Variants in SNRNP40 observed in about 807,000 individuals in gnomAD.
SNRNP40 encodes small nuclear ribonucleoprotein U5 subunit 40.
In SNRNP40, 21 loss-of-function variants were observed where a neutral mutation model predicts 45.8. That is an observed-to-expected ratio of 0.46 (90% CI 0.32 to 0.66). SNRNP40 has a LOEUF of 0.66. Ranked by LOEUF, SNRNP40 falls within the 30% of genes least tolerant of loss-of-function variation. SNRNP40 has a pLI of 0.03. For missense variants in SNRNP40, 344 were observed against 439.1 expected (o/e 0.78, Z 1.94); for synonymous variants, 142 against 163.8 (o/e 0.87, Z 1.01).
chr1:31,278,481 TA>T (rs1645991644), intron 5 of SNRNP40, among the ~76,000 whole-genome samples: 1 of 152,232 alleles, frequency 6.6e-6, no homozygotes, highest in Non-Finnish European at 1.5e-5. Flanking sequence ...TCTTGAAAAG[TA>T]TAAAAGTTAT....
At chr1:31,293,395 A>C in intron 1 of SNRNP40, 47 bp from the exon 2 acceptor site, 1 of 1,539,936 alleles carries the variant, frequency 6.5e-7, no homozygotes, top group Non-Finnish European at 8.7e-7. Flanking sequence ...CAGACAAAGG[A>C]GGCTACAAAA....
chr1:31,271,971 A>G (rs1645942189), intron 5 of SNRNP40, among the ~76,000 whole-genome samples: 1 of 152,236 alleles, frequency 6.6e-6, no homozygotes. Context: ...TCAGGCTACC[A>G]CGTTTGACTA....
chr1:31,285,651 C>T (rs1646052528), intron 4 of SNRNP40, among the ~76,000 whole-genome samples: 2 of 152,136 alleles, frequency 1.3e-5, no homozygotes. Context: ...ATCCTCAAAT[C>T]CCACTCAAGT....
intron 5 of SNRNP40, among the ~76,000 whole-genome samples, chr1:31,273,465 C>G (rs1184427053): frequency 6.6e-6 from 1 of 151,928 alleles, no homozygotes; most frequent in Non-Finnish European, 1.5e-5. Flanking sequence ...ATGGTGAAAC[C>G]CCGTCTCTAC....
At chr1:31,294,511 G>A (rs1459007292) in intron 1 of SNRNP40, among the ~76,000 whole-genome samples, 2 of 151,574 alleles carry the variant, frequency 1.3e-5, no homozygotes, top group Non-Finnish European at 2.9e-5. Context: ...CCAGGCTGGA[G>A]TACAATGGCG....
intron 4 of SNRNP40, 161 bp from the exon 5 acceptor site, chr1:31,281,657 G>T: frequency 1.8e-6 from 1 of 549,192 alleles, no homozygotes; most frequent in Non-Finnish European, 2.9e-6. Context: ...CACATGGTAA[G>T]CAGTGTGCTC....
intron 4 of SNRNP40, among the ~76,000 whole-genome samples, chr1:31,288,752 T>G (rs1646080249): frequency 6.6e-6 from 1 of 152,166 alleles, no homozygotes; most frequent in African/African-American, 2.4e-5. Flanking sequence ...ACAGTTCTTT[T>G]TTTTGAGACA....
At chr1:31,263,913 TAAA>T (rs11419603) in intron 8 of SNRNP40, among the ~76,000 whole-genome samples, 3 of 107,004 alleles carry the variant, frequency 2.8e-5, no homozygotes, top group Non-Finnish European at 3.6e-5. Flanking sequence ...ATGTACTGGC[TAAA>T]AAAAAAAAAA....
intron 5 of SNRNP40, among the ~76,000 whole-genome samples, chr1:31,277,131 T>C (rs1341403013): frequency 6.6e-6 from 1 of 152,058 alleles, no homozygotes; most frequent in Non-Finnish European, 1.5e-5. Flanking sequence ...CAGAAGGTCA[T>C]GGCAGCAGTG....
intron 8 of SNRNP40, chr1:31,261,862 C>G (rs1437544543): frequency 1.9e-5 from 7 of 364,662 alleles, no homozygotes; most frequent in African/African-American, 1.5e-4. Flanking sequence ...GCATGACTGG[C>G]ATGTTTGAAT....
At chr1:31,272,826 A>G (rs1645948165) in intron 5 of SNRNP40, among the ~76,000 whole-genome samples, 1 of 152,238 alleles carries the variant, frequency 6.6e-6, no homozygotes, top group Non-Finnish European at 1.5e-5. Context: ...TTTTCAAGCT[A>G]ACAGAAATAG....
chr1:31,267,900 T>G lies in SNRNP40; in HGVS notation c.891A>C (p.Gly297=), dbSNP rs752246407. 6.2e-7 allele frequency: 1 copy of G among 1,613,406 alleles called. No homozygotes were observed. Among genetic ancestry groups the G allele is most frequent in the South Asian group, 1.1e-5 (1 of 91,062 alleles). ...NLLRCSWSPD[G]SKIAAGSADR... is the part of the protein sequence containing the mutation. Reference sequence around the variant, plus strand: ...CGGCTGAGCCAGCTGCTATTTTGCTTCCATCAGGTGACCAAGAACATCTCA... The same window carrying G: ...CGGCTGAGCCAGCTGCTATTTTGCTGCCATCAGGTGACCAAGAACATCTCA... The change falls in exon 8 of 10, where the codon GGA becomes GGC. Residue 297 remains glycine (G), a synonymous_variant. Coordinates refer to ENST00000263694, the MANE Select transcript of SNRNP40 (RefSeq NM_004814.3).
At position 31,261,510 on chromosome 1, in the gene SNRNP40, C is replaced by A; in HGVS notation, c.1024+19G>T. The A allele has an allele frequency of 1.3e-6, 2 of 1,542,448 alleles. No homozygotes were observed. The highest frequency in any genetic ancestry group is 1.7e-5 in the Admixed American group (1 of 59,672). ...GGAGATTTCCAGTTTCCCTTTCCCC[C>A]TCGTTGGGACAGACTTACTGATGGG... On this transcript the variant is annotated intron_variant, in intron 9 of 9. Transcript: ENST00000263694.
At chr1:31,287,891 G>A (rs1646071936) in intron 4 of SNRNP40, among the ~76,000 whole-genome samples, 1 of 152,206 alleles carries the variant, frequency 6.6e-6, no homozygotes, top group African/African-American at 2.4e-5. Context: ...CAGCTACTAG[G>A]GAGGCTGAGG....
rs201555271 is a variant in SNRNP40, at chr1:31,293,310, C to A, written c.180G>T (p.Met60Ile). ...CTTCCCCTTCATGTCCAGAGAGCAG[C>A]ATGATTGGGGCTTGAAGGGAGGAAC... is the stretch of plus-strand genomic sequence containing the variant. ...PRCSSLQAPI[M>I]LLSGHEGEVY... The change falls in exon 2 of 10, where the codon ATG becomes ATT. Residue 60 changes from methionine (M) to isoleucine (I), a missense_variant. Met to Ile is a conservative substitution (Grantham distance 10, BLOSUM62 1). Coordinates refer to ENST00000263694, the MANE Select transcript of SNRNP40 (RefSeq NM_004814.3). 4 of 1,613,618 alleles carry A rather than the reference C, an allele frequency of 2.5e-6. No homozygotes were observed. Among genetic ancestry groups the A allele is most frequent in the Non-Finnish European group, 3.4e-6 (4 of 1,179,882 alleles).
At chr1:31,277,698 T>C (rs1645985551) in intron 5 of SNRNP40, among the ~76,000 whole-genome samples, 1 of 152,140 alleles carries the variant, frequency 6.6e-6, no homozygotes, top group South Asian at 2.1e-4. Context: ...CTTTTTAGCT[T>C]TTTTTTAATG....
intron 5 of SNRNP40, among the ~76,000 whole-genome samples, chr1:31,271,840 T>C (rs1033031764): frequency 2.6e-5 from 4 of 152,046 alleles, no homozygotes; most frequent in Non-Finnish European, 4.4e-5. Flanking sequence ...TTCACCATGT[T>C]GCCCAGGCTA....
At chr1:31,268,393 C>T (rs1373085138) in intron 7 of SNRNP40, among the ~76,000 whole-genome samples, 1 of 151,556 alleles carries the variant, frequency 6.6e-6, no homozygotes, top group African/African-American at 2.4e-5. Context: ...AGTGATCCTC[C>T]CACTTCAGCC....
chr1:31,261,498 T>C, intron 9 of SNRNP40, 31 bp downstream of exon 9: 2 of 1,440,300 alleles, frequency 1.4e-6, no homozygotes, highest in Non-Finnish European at 2.0e-6. Flanking sequence ...GATTTCCAGT[T>C]TCCCTTTCCC....
Sources: allele counts gnomAD v4.1 joint callset (sites outside exome capture counted in the v4.1 genomes callset), GRCh38; gene constraint gnomAD v4.1.1; transcripts MANE v1.5; gene names NCBI Gene and HGNC (gene_info 2026-07-23, HGNC 2026-07-21).